Variants in SHISA9 observed in about 807,000 individuals in gnomAD.
SHISA9 encodes the protein shisa family member 9.
A neutral mutation model predicts 38.0 loss-of-function variants in SHISA9; 13 were observed. The observed-to-expected ratio is 0.34, with a 90% CI of 0.22 to 0.54. The LOEUF (loss-of-function observed/expected upper bound fraction) is 0.54, where lower values mean the gene tolerates loss of function less well. Among genes scored for constraint, SHISA9 ranks in the 20% least tolerant of loss-of-function variants. The probability of loss-of-function intolerance (pLI) is 0.91; values close to 1 mark genes in which losing one functional copy is unlikely to be tolerated. For missense variants in SHISA9, 538 were observed against 575.8 expected, an observed-to-expected ratio of 0.93 and a Z score of 0.67; for synonymous variants, 275 against 242.0, an observed-to-expected ratio of 1.14 and a Z score of -1.27.
At chr16:13,022,051 C>T (rs983814734) in intron 2 of SHISA9, among the ~76,000 whole-genome samples, 3 of 152,188 alleles carry the variant, frequency 2.0e-5, no homozygotes, top group Non-Finnish European at 4.4e-5. Flanking sequence ...TCTGGTGGCT[C>T]CAGGCTTTCC....
the SHISA9 span, among the ~76,000 whole-genome samples, chr16:13,554,162 CAG>C: frequency 3.3e-5 from 5 of 152,098 alleles, no homozygotes; most frequent in Admixed American, 3.3e-4. Flanking sequence ...CTCTTACATA[CAG>C]AGTCTCTTCC....
the SHISA9 span, among the ~76,000 whole-genome samples, chr16:13,544,429 G>GGTT: frequency 1.4e-4 from 14 of 102,108 alleles, no homozygotes; most frequent in East Asian, 2.8e-4. Flanking sequence ...TTTTTTTCTT[G>GGTT]TTTTTTTTTT....
the SHISA9 span, among the ~76,000 whole-genome samples, chr16:13,450,054 T>G: frequency 1.2e-3 from 178 of 152,014 alleles, 1 homozygote; most frequent in African/African-American, 4.1e-3. Flanking sequence ...GAGGTGGAGG[T>G]TGCAGTGAGC....
At chr16:13,170,776 C>A (rs1444874078) in intron 2 of SHISA9, among the ~76,000 whole-genome samples, 2 of 152,138 alleles carry the variant, frequency 1.3e-5, no homozygotes, top group African/African-American at 2.4e-5. Flanking sequence ...CCTGCCTCAG[C>A]CTCCTGAGTA....
chr16:13,370,212 A>T, the SHISA9 span, among the ~76,000 whole-genome samples: 3 of 152,180 alleles, frequency 2.0e-5, no homozygotes, highest in African/African-American at 7.2e-5. Flanking sequence ...GTAACGACCA[A>T]CGTAACTTGT....
chr16:13,122,836 C>T (rs1177677934), intron 2 of SHISA9, among the ~76,000 whole-genome samples: 1 of 152,190 alleles, frequency 6.6e-6, no homozygotes, highest in African/African-American at 2.4e-5. Context: ...CGCCTGAGGT[C>T]AGGAGTTTGA....
At chr16:13,003,847 G>A (rs935319606) in intron 2 of SHISA9, among the ~76,000 whole-genome samples, 1 of 145,950 alleles carries the variant, frequency 6.9e-6, no homozygotes, top group Non-Finnish European at 1.5e-5. Flanking sequence ...GACAGAGCGA[G>A]ACTCCGTCTC....
chr16:12,949,574 T>C (rs7189560), intron 2 of SHISA9, among the ~76,000 whole-genome samples: 112,703 of 152,116 alleles, frequency 0.74, 41,904 homozygotes, highest in Middle Eastern at 0.78. Flanking sequence ...AAATACACAC[T>C]GGATTTTGAA....
intron 2 of SHISA9, among the ~76,000 whole-genome samples, chr16:13,084,249 C>T (rs944771178): frequency 6.6e-6 from 1 of 152,162 alleles, no homozygotes; most frequent in Non-Finnish European, 1.5e-5. Flanking sequence ...TAATCATATC[C>T]ACCTTTGAAC....
the SHISA9 span, among the ~76,000 whole-genome samples, chr16:13,442,584 C>T: frequency 6.6e-6 from 1 of 152,164 alleles, no homozygotes; most frequent in Non-Finnish European, 1.5e-5. Flanking sequence ...GGATTACAGA[C>T]ATGAGCCATC....
the SHISA9 span, among the ~76,000 whole-genome samples, chr16:13,509,817 G>A: frequency 2.0e-5 from 3 of 152,188 alleles, no homozygotes; most frequent in South Asian, 6.2e-4. Flanking sequence ...CTATTTTTAT[G>A]TGATACTGTT....
chr16:13,339,071 G>T, the SHISA9 span, among the ~76,000 whole-genome samples: 38 of 152,092 alleles, frequency 2.5e-4, no homozygotes, highest in Admixed American at 2.5e-3. Context: ...GCAATTTATG[G>T]GGATTGTCAG....
chr16:13,511,928 C>T, the SHISA9 span, among the ~76,000 whole-genome samples: 2 of 152,110 alleles, frequency 1.3e-5, no homozygotes, highest in South Asian at 4.2e-4. Context: ...GGGAACAATC[C>T]TAAGAGTTCA....
intron 2 of SHISA9, among the ~76,000 whole-genome samples, chr16:13,195,078 T>C (rs1332489368): frequency 6.6e-6 from 1 of 152,204 alleles, no homozygotes; most frequent in Non-Finnish European, 1.5e-5. Flanking sequence ...CATACATATC[T>C]AAATTCCCTT....
chr16:13,286,950 C>G, the SHISA9 span, among the ~76,000 whole-genome samples: 1 of 152,076 alleles, frequency 6.6e-6, no homozygotes, highest in East Asian at 1.9e-4. Context: ...GGCCACCAGG[C>G]AAATGGAGTG....
rs371551826 is a variant in SHISA9 at position 13,026,019 on chromosome 16, G to A, written c.691+109204G>A. ...AGGGTTTCTCCATGTTGGTCAGGCT[G>A]GTCTCGAACTCCCGACCTCAGATGA... On this transcript the variant is annotated intron_variant, in intron 2 of 4. Transcript: ENST00000558583. Among the ~76,000 whole-genome samples, 3 of 152,152 alleles carry A rather than the reference G, an allele frequency of 2.0e-5. 1 individual carries two copies. In the South Asian group the frequency reaches 6.2e-4, roughly 32 times the overall value.
the SHISA9 span, among the ~76,000 whole-genome samples, chr16:13,496,616 G>A: frequency 6.6e-6 from 1 of 151,924 alleles, no homozygotes; most frequent in African/African-American, 2.4e-5. Context: ...AGATACGATT[G>A]CTTACTTAGA....
At chr16:13,122,581 G>A (rs1286375449) in intron 2 of SHISA9, among the ~76,000 whole-genome samples, 1 of 152,202 alleles carries the variant, frequency 6.6e-6, no homozygotes, top group Non-Finnish European at 1.5e-5. Flanking sequence ...TTCAACCCCA[G>A]TTTTCTATAA....
At chr16:13,517,113 T>C in the SHISA9 span, among the ~76,000 whole-genome samples, 2 of 152,146 alleles carry the variant, frequency 1.3e-5, no homozygotes, top group Non-Finnish European at 2.9e-5. Flanking sequence ...CTGGTATCTT[T>C]CTAAGAAGAG....
Sources: allele counts gnomAD v4.1 joint callset (sites outside exome capture counted in the v4.1 genomes callset), GRCh38; gene constraint gnomAD v4.1.1; transcripts MANE v1.5; gene names NCBI Gene and HGNC (gene_info 2026-07-23, HGNC 2026-07-21).